The following CSMD1 variants were observed in gnomAD, a reference collection of about 807,000 sequenced individuals.
CSMD1 encodes CUB and Sushi multiple domains 1.
CSMD1 carries 213 observed loss-of-function variants against 417.5 expected under a neutral mutation model. The ratio of observed to expected loss-of-function variants is 0.51; its 90% CI spans 0.46 to 0.57. The LOEUF (loss-of-function observed/expected upper bound fraction) is 0.57, where lower values mean the gene tolerates loss of function less well. Ranked by LOEUF, CSMD1 falls within the 20% of genes least tolerant of loss-of-function variation. The pLI is 0.00. For missense variants in CSMD1, 6,923 were observed against 4,529.7 expected (o/e 1.53, Z -15.17); for synonymous variants, 2,862 against 1,736.8 (o/e 1.65, Z -16.11).
intron 4 of CSMD1, among the ~76,000 whole-genome samples, chr8:4,001,311 C>G (rs141382714): frequency 6.6e-6 from 1 of 152,092 alleles, no homozygotes; most frequent in Non-Finnish European, 1.5e-5. Context: ...ACAGGGACAC[C>G]AGCCATAGCT....
At chr8:3,545,393 C>T (rs575160570) in intron 10 of CSMD1, among the ~76,000 whole-genome samples, 7 of 152,302 alleles carry the variant, frequency 4.6e-5, no homozygotes, top group South Asian at 2.1e-4. Context: ...AAAACATAAA[C>T]AGCCATTGTG....
intron 11 of CSMD1, among the ~76,000 whole-genome samples, chr8:3,482,388 A>C (rs1415654080): frequency 1.3e-5 from 2 of 152,174 alleles, no homozygotes; most frequent in African/African-American, 4.8e-5. Context: ...ATATCTGACA[A>C]AGTAGACTTA....
At chr8:3,933,155 A>T (rs559550483) in intron 5 of CSMD1, among the ~76,000 whole-genome samples, 2 of 136,102 alleles carry the variant, frequency 1.5e-5, no homozygotes, top group African/African-American at 5.5e-5. Context: ...ACATTTATCT[A>T]AAGTCCACCT....
intron 10 of CSMD1, among the ~76,000 whole-genome samples, chr8:3,560,765 G>A (rs1411797556): frequency 1.3e-5 from 2 of 152,010 alleles, no homozygotes; most frequent in African/African-American, 4.8e-5. Flanking sequence ...AACTTTTTTG[G>A]CTATATATCT....
At chr8:4,379,886 A>T (rs1305629547) in intron 3 of CSMD1, among the ~76,000 whole-genome samples, 1 of 152,190 alleles carries the variant, frequency 6.6e-6, no homozygotes, top group Non-Finnish European at 1.5e-5. Context: ...ATGCTGATGG[A>T]AGCCGTGTTC....
At chr8:4,900,097 C>G (rs1243669940) in intron 1 of CSMD1, among the ~76,000 whole-genome samples, 1 of 152,162 alleles carries the variant, frequency 6.6e-6, no homozygotes. Flanking sequence ...ACTGCAGACT[C>G]ACCTTCCACC....
intron 3 of CSMD1, among the ~76,000 whole-genome samples, chr8:4,267,789 G>C (rs1319051365): frequency 6.6e-6 from 1 of 151,980 alleles, no homozygotes; most frequent in East Asian, 1.9e-4. Context: ...ATTGAACAAT[G>C]GTATGAAAAG....
intron 3 of CSMD1, among the ~76,000 whole-genome samples, chr8:4,383,021 T>A (rs1437415706): frequency 6.6e-6 from 1 of 152,174 alleles, no homozygotes; most frequent in Non-Finnish European, 1.5e-5. Flanking sequence ...CAGTAAGAAT[T>A]GGTGGAATAT....
chr8:4,143,979 T>C (rs1803956687), intron 3 of CSMD1, among the ~76,000 whole-genome samples: 1 of 151,306 alleles, frequency 6.6e-6, no homozygotes, highest in Non-Finnish European at 1.5e-5. Context: ...TCCAAGGCAC[T>C]CTCCCTTTCC....
intron 10 of CSMD1, among the ~76,000 whole-genome samples, chr8:3,569,195 G>C (rs1034856945): frequency 2.0e-5 from 3 of 152,084 alleles, no homozygotes; most frequent in African/African-American, 7.2e-5. Context: ...TTCCTGAATA[G>C]AAAATGCTAG....
intron 10 of CSMD1, among the ~76,000 whole-genome samples, chr8:3,510,017 G>C (rs951387899): frequency 6.6e-5 from 10 of 152,158 alleles, no homozygotes; most frequent in African/African-American, 2.4e-4. Context: ...ACGTATACAA[G>C]TCGCGTATCC....
At chr8:4,117,950 G>GAAAA (rs112018951) in intron 3 of CSMD1, among the ~76,000 whole-genome samples, 1 of 139,090 alleles carries the variant, frequency 7.2e-6, no homozygotes, top group Non-Finnish European at 1.5e-5. Context: ...CAAGTCAATA[G>GAAAA]GAAAAAAAAA....
intron 5 of CSMD1, among the ~76,000 whole-genome samples, chr8:3,943,483 G>A (rs1228460716): frequency 6.7e-6 from 1 of 149,128 alleles, no homozygotes; most frequent in Non-Finnish European, 1.5e-5. Context: ...GTCAGTGGGT[G>A]CTGAAATTAG....
chr8:3,791,907 G>A (rs1799765083), intron 5 of CSMD1, among the ~76,000 whole-genome samples: 1 of 152,074 alleles, frequency 6.6e-6, no homozygotes, highest in African/African-American at 2.4e-5. Flanking sequence ...GGCATTGAAA[G>A]TAATGGCAAA....
chr8:4,323,783 T>C (rs1047799500), intron 3 of CSMD1, among the ~76,000 whole-genome samples: 1 of 152,122 alleles, frequency 6.6e-6, no homozygotes, highest in Non-Finnish European at 1.5e-5. Context: ...GACCTGCCTA[T>C]CTTGACTTAT....
chr8:3,669,678 A>G (rs2624096), intron 7 of CSMD1, among the ~76,000 whole-genome samples: 117,425 of 151,690 alleles, frequency 0.77, 46,164 homozygotes, highest in African/African-American at 0.91. Flanking sequence ...CTCAGCACCT[A>G]TTCTGTGTGA....
In CSMD1 at chr8:3,307,880, A is replaced by C. The variant is rs547442252; in HGVS notation, c.3824-59T>G. ...CTTCAGGCATCACATGTTTCTATTT[A>C]GCTACTTTTCAAAACCAAAGCCATT... is the stretch of plus-strand genomic sequence containing the variant. On this transcript the variant is annotated intron_variant, in intron 24 of 69. Coordinates refer to ENST00000635120, the MANE Select transcript of CSMD1 (RefSeq NM_033225.6). 812 of 1,571,944 alleles carry C rather than the reference A, an allele frequency of 5.2e-4. 1 individual carries two copies. Among genetic ancestry groups the C allele is most frequent in the Non-Finnish European group, 6.8e-4 (792 of 1,161,136 alleles).
chr8:4,447,853 A>C (rs555250523), intron 2 of CSMD1, among the ~76,000 whole-genome samples: 1 of 152,318 alleles, frequency 6.6e-6, no homozygotes, highest in Middle Eastern at 3.4e-3. Context: ...AACTTAAAAA[A>C]GTGTAAGTAG....
At position 4,710,443 on chromosome 8, in the gene CSMD1, A is replaced by G. The variant is rs899201120; in HGVS notation, c.86-72885T>C. On this transcript the variant is annotated intron_variant, in intron 1 of 69. Transcript: ENST00000635120. ...ATATTTAATACAATATAAACTTTAT[A>G]TATTGATATATAATGGAATATTATA... 4.8e-5 allele frequency among the ~76,000 whole-genome samples: 7 copies of G among 145,900 alleles called. No homozygotes were observed. In the South Asian group the frequency reaches 6.4e-4, roughly 13 times the overall value.
Sources: allele counts gnomAD v4.1 joint callset (sites outside exome capture counted in the v4.1 genomes callset), GRCh38; gene constraint gnomAD v4.1.1; transcripts MANE v1.5; gene names NCBI Gene and HGNC (gene_info 2026-07-23, HGNC 2026-07-21).